The following ARHGAP25 variants were observed in gnomAD, a reference collection of about 807,000 sequenced individuals.
The protein encoded by ARHGAP25 is Rho GTPase activating protein 25.
A neutral mutation model predicts 71.0 loss-of-function variants in ARHGAP25; 34 were observed. The observed-to-expected ratio is 0.48, with a 90% CI of 0.36 to 0.64. The LOEUF is 0.64. ARHGAP25 is among the 30% of genes least tolerant of loss of function. The pLI is 0.00. For synonymous variants in ARHGAP25, 282 were observed against 296.5 expected, an observed-to-expected ratio of 0.95 and a Z score of 0.50; for missense variants, 706 against 805.1, an observed-to-expected ratio of 0.88 and a Z score of 1.49.
chr2:68,822,704 C>G lies in ARHGAP25; in HGVS notation c.1565C>G (p.Ser522Cys). 6.2e-7 allele frequency: 1 copy of G among 1,614,184 alleles called. No individual in the cohort carries two copies. Among genetic ancestry groups the G allele is most frequent in the Non-Finnish European group, 8.5e-7 (1 of 1,180,046 alleles). The change falls in exon 10 of 11, where the codon TCC becomes TGC. Residue 522 changes from serine (S) to cysteine (C), a missense_variant. Ser to Cys is a moderately radical substitution (Grantham distance 112). Transcript: ENST00000409202. ...GGGGAGGAAGCCAGTGCACTCTCTT[C>G]CCAAGCCTGTGACTCCAAGGGAGAT... ...SPGEEASALS[S>C]QACDSKGDTL...
In ARHGAP25 at chr2:68,819,308, T is replaced by C; in HGVS notation, c.1189T>C (p.Phe397Leu). The C allele has an allele frequency of 6.2e-7, 1 of 1,614,118 alleles. No homozygotes were observed. The highest frequency in any genetic ancestry group is 8.5e-7 in the Non-Finnish European group (1 of 1,179,996). Reference sequence around the variant, plus strand: ...CCTCCGAATTTCTAGGACAGACAGCTTCAGTAGCATGGTAAGGTGCAGAGA... The same window carrying C: ...CCTCCGAATTTCTAGGACAGACAGCCTCAGTAGCATGGTAAGGTGCAGAGA... ...EDLRISRTDS[F>L]SSMTSDSDTT... The change falls in exon 9 of 11, where the codon TTC becomes CTC. Residue 397 changes from phenylalanine to leucine, a missense_variant. By Grantham distance (22) the Phe-to-Leu change is conservative. Transcript: ENST00000409202.
At chr2:68,775,789 C>T (rs1468597312) in intron 2 of ARHGAP25, 5 of 451,306 alleles carry the variant, frequency 1.1e-5, no homozygotes, top group Admixed American at 7.5e-5. Context: ...ATTTATTGAG[C>T]GTTTATTATA....
chr2:68,786,090 T>C (rs1678741374), intron 3 of ARHGAP25, among the ~76,000 whole-genome samples: 1 of 152,190 alleles, frequency 6.6e-6, no homozygotes, highest in African/African-American at 2.4e-5. Flanking sequence ...AACCTGATTT[T>C]CAATCATCCT....
chr2:68,728,887 C>T (rs1217140915), intron 2 of ARHGAP25, among the ~76,000 whole-genome samples: 1 of 152,188 alleles, frequency 6.6e-6, no homozygotes, highest in African/African-American at 2.4e-5. Flanking sequence ...AAAATTTGAT[C>T]TATCCACACA....
intron 1 of ARHGAP25, among the ~76,000 whole-genome samples, chr2:68,744,503 G>A (rs1159127957): frequency 1.3e-5 from 2 of 152,166 alleles, no homozygotes; most frequent in Non-Finnish European, 2.9e-5. Context: ...AGTCTCATTA[G>A]AGACACTCTG....
intron 1 of ARHGAP25, among the ~76,000 whole-genome samples, chr2:68,771,392 A>G (rs1285888369): frequency 6.6e-6 from 1 of 152,200 alleles, no homozygotes; most frequent in Non-Finnish European, 1.5e-5. Context: ...AGTGAAGCTT[A>G]TCATGGTTAT....
intron 1 of ARHGAP25, among the ~76,000 whole-genome samples, chr2:68,764,958 T>C (rs1307054159): frequency 1.3e-5 from 2 of 152,174 alleles, no homozygotes; most frequent in Non-Finnish European, 2.9e-5. Flanking sequence ...CTAGTCCCTT[T>C]GTCATTTTAA....
chr2:68,790,555 C>A (rs114044012), intron 4 of ARHGAP25, among the ~76,000 whole-genome samples: 2,351 of 152,248 alleles, frequency 0.015, 54 homozygotes, highest in African/African-American at 0.054. Context: ...GACATGCCTC[C>A]CAAATATTGT....
chr2:68,812,286 A>G (rs879284664), intron 5 of ARHGAP25, among the ~76,000 whole-genome samples: 1 of 152,118 alleles, frequency 6.6e-6, no homozygotes, highest in Admixed American at 6.5e-5. Context: ...TCCCCCAGCT[A>G]TTTAAAAATG....
At chr2:68,783,981 C>A (rs1345611031) in intron 3 of ARHGAP25, among the ~76,000 whole-genome samples, 1 of 152,120 alleles carries the variant, frequency 6.6e-6, no homozygotes, top group Non-Finnish European at 1.5e-5. Flanking sequence ...TCTAGAGTAA[C>A]CCTACTGAGA....
In ARHGAP25 at chr2:68,822,811, G is replaced by A; in HGVS notation, c.1672G>A (p.Val558Ile). The A allele has an allele frequency of 1.2e-6, 2 of 1,613,936 alleles. No individual in the cohort carries two copies. The highest frequency in any genetic ancestry group is 1.7e-6 in the Non-Finnish European group (2 of 1,179,996). ...EEEIDSLQRM[V>I]QELRKEIETQ... Reference sequence around the variant, plus strand: ...GGAAATTGATTCTTTGCAGAGGATGGTCCAAGAGCTACGAAAGGAAATAGA... The same window carrying A: ...GGAAATTGATTCTTTGCAGAGGATGATCCAAGAGCTACGAAAGGAAATAGA... Residue 558 changes from valine to isoleucine, a missense_variant, in exon 10 of 11, where the codon GTC (valine) becomes ATC (isoleucine). Physicochemically the swap from Val to Ile is conservative, Grantham distance 29. Transcript: ENST00000409202.
intron 2 of ARHGAP25, among the ~76,000 whole-genome samples, chr2:68,718,989 A>C (rs1165774157): frequency 6.6e-6 from 1 of 152,144 alleles, no homozygotes; most frequent in Non-Finnish European, 1.5e-5. Context: ...CCAAGAAAAA[A>C]AAATTTCCCT....
chr2:68,728,159 T>G (rs1172882328), intron 2 of ARHGAP25, among the ~76,000 whole-genome samples: 2 of 152,230 alleles, frequency 1.3e-5, no homozygotes, highest in African/African-American at 4.8e-5. Context: ...CATCATCGGA[T>G]GTTTCACGAA....
chr2:68,817,677 C>G (rs1182197481), intron 7 of ARHGAP25, among the ~76,000 whole-genome samples, 196 bp from the exon 8 acceptor site: 1 of 152,166 alleles, frequency 6.6e-6, no homozygotes, highest in Non-Finnish European at 1.5e-5. Context: ...GGGCAGGACC[C>G]TCCTGATTTC....
intron 3 of ARHGAP25, among the ~76,000 whole-genome samples, chr2:68,783,922 G>A (rs1678537269): frequency 6.6e-6 from 1 of 152,104 alleles, no homozygotes; most frequent in Admixed American, 6.5e-5. Flanking sequence ...CAATTCATGG[G>A]ACACAACCAT....
At chr2:68,798,519 A>G (rs957742192) in intron 4 of ARHGAP25, among the ~76,000 whole-genome samples, 12 of 151,442 alleles carry the variant, frequency 7.9e-5, no homozygotes, top group South Asian at 2.1e-4. Flanking sequence ...AGGAGAGAGA[A>G]AAAAAAAAAG....
intron 2 of ARHGAP25, among the ~76,000 whole-genome samples, chr2:68,714,998 T>C (rs1359020857): frequency 6.6e-6 from 1 of 152,200 alleles, no homozygotes; most frequent in African/African-American, 2.4e-5. Context: ...ACATTTCTGC[T>C]TTTAGCTCTT....
chr2:68,775,331 T>A lies in ARHGAP25; in HGVS notation c.172T>A (p.Ser58Thr). ...GATGGGCTGGCTGAAGAAGCAGAGGTCCATCGTGAAGAACTGGCAGCAGAG... is the reference window on the plus strand; with the variant it reads ...GATGGGCTGGCTGAAGAAGCAGAGGACCATCGTGAAGAACTGGCAGCAGAG... ...IKMGWLKKQR[S>T]IVKNWQQRYF... The change falls in exon 2 of 11, where the codon TCC (serine) becomes ACC (threonine). Residue 58 changes from serine to threonine, a missense_variant. Physicochemically the swap from Ser to Thr is moderately conservative, Grantham distance 58 (BLOSUM62 1). Transcript: ENST00000409202. 1 of 1,613,898 alleles carries A rather than the reference T, an allele frequency of 6.2e-7. No individual in the cohort carries two copies.
intron 4 of ARHGAP25, among the ~76,000 whole-genome samples, chr2:68,802,477 C>T (rs1180935566): frequency 6.8e-6 from 1 of 146,496 alleles, no homozygotes; most frequent in Non-Finnish European, 1.5e-5. Context: ...GCGGATAATT[C>T]TAATGCTCAC....
Sources: gnomAD v4.1 joint callset for allele counts (sites outside exome capture counted in the v4.1 genomes callset) on GRCh38, gnomAD v4.1.1 for gene constraint, MANE v1.5 for transcripts, NCBI Gene and HGNC (gene_info 2026-07-23, HGNC 2026-07-21) for gene names.